NLRP2: variants seen among roughly 807,000 people sequenced by gnomAD.
NLRP2 encodes NLR family pyrin domain containing 2.
In NLRP2, 107 loss-of-function variants were observed where a neutral mutation model predicts 97.2. That is an observed-to-expected ratio of 1.10 (90% CI 0.94 to 1.29). The LOEUF (loss-of-function observed/expected upper bound fraction) is 1.29, where lower values mean the gene tolerates loss of function less well. Among genes scored for constraint, NLRP2 ranks in the 50% most tolerant of loss-of-function variants. The probability of loss-of-function intolerance (pLI) is 0.00; values close to 1 mark genes in which losing one functional copy is unlikely to be tolerated. For synonymous variants in NLRP2, 663 were observed against 551.5 expected (o/e 1.20, Z -2.83); for missense variants, 1,495 against 1,330.3 (o/e 1.12, Z -1.93).
At chr19:54,979,288 G>A (rs2071427840) in intron 4 of NLRP2, among the ~76,000 whole-genome samples, 1 of 151,378 alleles carries the variant, frequency 6.6e-6, no homozygotes, top group Admixed American at 6.6e-5. Context: ...CCTAGCCTGT[G>A]ATCAGTTTCA....
At chr19:54,994,642 C>T (rs759433700) in intron 11 of NLRP2, among the ~76,000 whole-genome samples, 3 of 151,028 alleles carry the variant, frequency 2.0e-5, no homozygotes, top group Non-Finnish European at 3.0e-5. Flanking sequence ...TGAAGTTTTG[C>T]TCTTGTCACA....
chr19:54,983,125 A>G lies in NLRP2; in HGVS notation c.1427A>G (p.Gln476Arg), dbSNP rs747806145. The G allele has an allele frequency of 3.1e-6, 5 of 1,612,524 alleles. No homozygotes were observed. Among genetic ancestry groups the G allele is most frequent in the East Asian group, 2.2e-5 (1 of 44,762 alleles). Residue 476 changes from glutamine to arginine, a missense_variant, in exon 6 of 13, where the codon CAG becomes CGG. Transcript: ENST00000448584. Reference sequence around the variant, plus strand: ...GAGGATCTGGAAAGGCTCGGGGTGCAGGAGTCCGACCTCCGTCTGTTCCTG... The same window carrying G: ...GAGGATCTGGAAAGGCTCGGGGTGCGGGAGTCCGACCTCCGTCTGTTCCTG... ...HREDLERLGV[Q>R]ESDLRLFLDG...
chr19:54,984,125 C>T (rs1048421042), intron 6 of NLRP2, among the ~76,000 whole-genome samples: 1 of 151,658 alleles, frequency 6.6e-6, no homozygotes, highest in Non-Finnish European at 1.5e-5. Context: ...AGTGGGATTA[C>T]AGGCATGATT....
chr19:54,983,944 G>A (rs1187461123), intron 6 of NLRP2, among the ~76,000 whole-genome samples: 3 of 152,234 alleles, frequency 2.0e-5, no homozygotes, highest in African/African-American at 7.2e-5. Flanking sequence ...TCCGCCTCCC[G>A]GGTTCAAGTG....
intron 5 of NLRP2, among the ~76,000 whole-genome samples, 178 bp downstream of exon 5, chr19:54,981,860 C>T (rs756122236): frequency 6.6e-6 from 1 of 152,070 alleles, no homozygotes; most frequent in Non-Finnish European, 1.5e-5. Flanking sequence ...CTCACTGCAA[C>T]CTCCGCCTCC....
intron 8 of NLRP2, among the ~76,000 whole-genome samples, chr19:54,986,858 TGTTTTG>T (rs777745835): frequency 2.7e-4 from 40 of 150,484 alleles, no homozygotes; most frequent in Admixed American, 1.6e-3. Flanking sequence ...AGAGTCCTTA[TGTTTTG>T]GTTTTGGTTT....
intron 3 of NLRP2, chr19:54,976,824 T>C: frequency 2.4e-6 from 1 of 415,648 alleles, no homozygotes; most frequent in Admixed American, 2.8e-5. Flanking sequence ...TTTTTTTTTT[T>C]TTTTTGATAC....
At chr19:54,999,378 T>G (rs1053450374) in intron 12 of NLRP2, among the ~76,000 whole-genome samples, 1 of 152,126 alleles carries the variant, frequency 6.6e-6, no homozygotes, top group Non-Finnish European at 1.5e-5. Context: ...AACTCCTGAC[T>G]TCAGGTGACC....
At chr19:54,980,307 T>C (rs2071490352) in intron 4 of NLRP2, among the ~76,000 whole-genome samples, 1 of 151,926 alleles carries the variant, frequency 6.6e-6, no homozygotes, top group Non-Finnish European at 1.5e-5. Flanking sequence ...CACGCCATTC[T>C]GCCTCAGCCT....
At chr19:54,977,288 G>A (rs775898) in intron 3 of NLRP2, among the ~76,000 whole-genome samples, 40,103 of 151,804 alleles carry the variant, frequency 0.26, 5,701 homozygotes, top group East Asian at 0.38. Flanking sequence ...AGGTATGGTG[G>A]CACATTCCTG....
intron 4 of NLRP2, among the ~76,000 whole-genome samples, chr19:54,980,519 A>G (rs1053212217): frequency 6.6e-6 from 1 of 152,166 alleles, no homozygotes; most frequent in Non-Finnish European, 1.5e-5. Flanking sequence ...TATGAAGACA[A>G]TCGTAGGTAA....
At chr19:54,990,225 C>CT in intron 9 of NLRP2, 33 bp downstream of exon 9, 1 of 1,609,706 alleles carries the variant, frequency 6.2e-7, no homozygotes, top group Non-Finnish European at 8.5e-7. Flanking sequence ...AGCAGCTGTG[C>CT]TTTCGATCTG....
chr19:54,994,627 T>C (rs1049970152), intron 11 of NLRP2, among the ~76,000 whole-genome samples, 188 bp downstream of exon 11: 1 of 152,024 alleles, frequency 6.6e-6, no homozygotes, highest in Non-Finnish European at 1.5e-5. Flanking sequence ...TGTTTTTTTT[T>C]TTCTTGAAGT....
rs2072585482 is a variant in NLRP2 at position 54,992,949 on chromosome 19, G to A, written c.2709-1320G>A. On this transcript the variant is annotated intron_variant, in intron 10 of 12. Transcript: ENST00000448584. ...GTGGGTTTTCCTCCATTACAGTCAT[G>A]GAAGTTTCTAGAAGGCCGGGTAGGG... Among the ~76,000 whole-genome samples, 3 of 152,048 alleles carry A rather than the reference G, an allele frequency of 2.0e-5. No individual in the cohort carries two copies. In the South Asian group the frequency reaches 6.2e-4, roughly 32 times the overall value.
At position 54,983,427 on chromosome 19, in the gene NLRP2, A is replaced by C. The variant is rs2071786349; in HGVS notation, c.1729A>C (p.Met577Leu). Residue 577 changes from methionine (M) to leucine (L), a missense_variant, in exon 6 of 13, where the codon ATG (methionine) becomes CTG (leucine). Met to Leu is a conservative substitution (Grantham distance 15). Coordinates refer to ENST00000448584, the MANE Select transcript of NLRP2 (RefSeq NM_017852.5). ...KELEATFGCR[M>L]SPDIKQELLR... Reference sequence around the variant, plus strand: ...GTTGGAGGCCACTTTTGGCTGCCGGATGTCACCGGACATCAAACAGGAATT... The same window carrying C: ...GTTGGAGGCCACTTTTGGCTGCCGGCTGTCACCGGACATCAAACAGGAATT... The C allele has an allele frequency of 6.2e-7, 1 of 1,614,054 alleles. No homozygotes were observed. The highest frequency in any genetic ancestry group is 1.3e-5 in the African/African-American group (1 of 74,934).
rs778578805 is a variant in NLRP2 at position 54,982,280 on chromosome 19, A to G, written c.582A>G (p.Pro194=). 4 of 1,614,120 alleles carry G rather than the reference A, an allele frequency of 2.5e-6. No individual in the cohort carries two copies. In the South Asian group the frequency reaches 4.4e-5, roughly 18 times the overall value. ...VMAERYKMLI[P]FSNPRVLPGP... is the part of the protein sequence containing the mutation. ...CTGAGAGATACAAGATGCTGATCCC[A>G]TTCAGCAACCCCAGGGTGCTTCCCG... The change falls in exon 6 of 13, where the codon CCA becomes CCG. Residue 194 remains proline (P), a synonymous_variant. Transcript: ENST00000448584.
At chr19:54,965,911 AT>A, upstream of NLRP2, 6 of 93,068 alleles carry the variant, frequency 6.4e-5, no homozygotes, top group Non-Finnish European at 1.3e-4. Context: ...GCAAGACTCC[AT>A]TAAAAATAAA....
intron 12 of NLRP2, among the ~76,000 whole-genome samples, chr19:54,998,325 T>C (rs1191329783): frequency 6.6e-6 from 1 of 152,056 alleles, no homozygotes; most frequent in Non-Finnish European, 1.5e-5. Context: ...GCCTGAGTTG[T>C]ATTTTGATAC....
At chr19:54,979,779 A>G (rs2071457618) in intron 4 of NLRP2, among the ~76,000 whole-genome samples, 2 of 151,934 alleles carry the variant, frequency 1.3e-5, no homozygotes, top group South Asian at 4.1e-4. Flanking sequence ...CCTGGCACAC[A>G]ATCTTTTTTT....
Sources: gnomAD v4.1 joint callset for allele counts (sites outside exome capture counted in the v4.1 genomes callset) on GRCh38, gnomAD v4.1.1 for gene constraint, MANE v1.5 for transcripts, NCBI Gene and HGNC (gene_info 2026-07-23, HGNC 2026-07-21) for gene names.